The following GPC4 variants were observed in gnomAD, a reference collection of about 807,000 sequenced individuals.
GPC4 encodes the protein glypican-4.
GPC4 carries 10 observed loss-of-function variants against 35.0 expected under a neutral mutation model. The ratio of observed to expected loss-of-function variants is 0.29; its 90% CI spans 0.18 to 0.48. The LOEUF (loss-of-function observed/expected upper bound fraction) is 0.48, where lower values mean the gene tolerates loss of function less well. Ranked by LOEUF, GPC4 falls within the 20% of genes least tolerant of loss-of-function variation. The pLI is 0.99. For missense variants in GPC4, 322 were observed against 451.3 expected (o/e 0.71, Z 2.60); for synonymous variants, 167 against 170.2 (o/e 0.98, Z 0.15).
intron 1 of GPC4, among the ~76,000 whole-genome samples, chrX:133,360,534 GAAA>G (rs1422147180): frequency 9.8e-6 from 1 of 102,029 alleles, no homozygotes; most frequent in African/African-American, 3.6e-5. Context: ...TGGGTTTGCC[GAAA>G]AAAAAAAAGA....
intron 1 of GPC4, among the ~76,000 whole-genome samples, chrX:133,357,775 A>AACCT (rs1603080157): frequency 9.0e-6 from 1 of 111,393 alleles, no homozygotes; most frequent in Non-Finnish European, 1.9e-5. Flanking sequence ...ACAAGAGCAG[A>AACCT]ACCTACCTCA....
rs41299096 is a variant in GPC4, at chrX:133,301,002, T to G, written c.*1865A>C. 0.049 allele frequency: 5,493 copies of G among 111,113 alleles called. 140 individuals are homozygous for G. Among genetic ancestry groups the G allele is most frequent in the Non-Finnish European group, 0.077 (4,080 of 52,966 alleles). 9.2% of individuals were successfully genotyped at this position (111,113 alleles called of 1,213,427 possible). Reference sequence around the variant, plus strand: ...TTTCAATTTTATGTCTTCTGATTTGTTTTAAAAAAAAAACCACTTATACAC... The same window carrying G: ...TTTCAATTTTATGTCTTCTGATTTGGTTTAAAAAAAAAACCACTTATACAC... On this transcript the variant is annotated 3_prime_UTR_variant, in exon 9 of 9. Coordinates refer to ENST00000370828, the MANE Select transcript of GPC4 (RefSeq NM_001448.3).
chrX:133,402,701 C>T (rs192570680), intron 1 of GPC4, among the ~76,000 whole-genome samples: 1 of 110,829 alleles, frequency 9.0e-6, no homozygotes, highest in Non-Finnish European at 1.9e-5. Context: ...GTCAGGGGTT[C>T]GAGACCAGCC....
In GPC4 at chrX:133,354,564, A is replaced by ATTTTT. The variant is rs1320451355; in HGVS notation, c.161-15224_161-15223insAAAAA. On this transcript the variant is annotated intron_variant, in intron 1 of 8. Coordinates refer to ENST00000370828, the MANE Select transcript of GPC4 (RefSeq NM_001448.3). Reference sequence around the variant, plus strand: ...GTTTTATTTATTTATTTATTTATTTATTTATTTTTTTTTTTGAGACGGAGT... The same window carrying ATTTTT: ...GTTTTATTTATTTATTTATTTATTTATTTTTTTTATTTTTTTTTTTGAGACGGAGT... Among the ~76,000 whole-genome samples the ATTTTT allele has an allele frequency of 3.3e-3, 307 of 94,431 alleles. 5 individuals are homozygous for ATTTTT. The highest frequency in any genetic ancestry group is 0.013 in the African/African-American group (293 of 21,990). 82.0% of individuals were successfully genotyped at this position (94,431 alleles called of 115,157 possible).
intron 1 of GPC4, among the ~76,000 whole-genome samples, chrX:133,348,292 C>A (rs1021978293): frequency 1.5e-4 from 17 of 112,469 alleles, no homozygotes; most frequent in African/African-American, 5.5e-4. Context: ...GCCTGAAATG[C>A]ACACTTTGAC....
At chrX:133,378,482 A>G (rs1206041136) in intron 1 of GPC4, among the ~76,000 whole-genome samples, 2 of 106,372 alleles carry the variant, frequency 1.9e-5, no homozygotes, top group African/African-American at 6.9e-5. Flanking sequence ...AGGCTGAGGC[A>G]GGAGAATGGT....
chrX:133,318,760 G>A (rs2068350509), intron 3 of GPC4, among the ~76,000 whole-genome samples: 1 of 112,460 alleles, frequency 8.9e-6, no homozygotes, highest in African/African-American at 3.2e-5. Context: ...AATGTATCAT[G>A]AACCATGACA....
In GPC4 at chrX:133,415,251, C is replaced by T; in HGVS notation, c.-286G>A. The stretch of plus-strand genomic sequence containing the variant: ...AAGCAGAGGCGCGGGCTGGTGACCT[C>T]GGGGTTTCGCGGGGCAGCGAACCCG... On this transcript the variant is annotated 5_prime_UTR_variant, in exon 1 of 9. Coordinates refer to ENST00000370828, the MANE Select transcript of GPC4 (RefSeq NM_001448.3). The T allele has an allele frequency of 3.6e-6, 1 of 277,047 alleles. No homozygotes were observed. Among genetic ancestry groups the T allele is most frequent in the Non-Finnish European group, 6.3e-6 (1 of 158,944 alleles). The allele number at this position is 277,047 out of a possible 1,213,427, so 22.8% of individuals were successfully genotyped here.
At chrX:133,365,568 C>T (rs1443929783) in intron 1 of GPC4, among the ~76,000 whole-genome samples, 1 of 111,521 alleles carries the variant, frequency 9.0e-6, no homozygotes, top group Non-Finnish European at 1.9e-5. Flanking sequence ...AGATCTGGGT[C>T]TCTTGAGCCT....
At chrX:133,398,764 T>A (rs1371484991) in intron 1 of GPC4, among the ~76,000 whole-genome samples, 5 of 104,981 alleles carry the variant, frequency 4.8e-5, no homozygotes, top group African/African-American at 1.8e-4. Context: ...TGAGACTCTG[T>A]CTCAGAGAAA....
intron 2 of GPC4, among the ~76,000 whole-genome samples, chrX:133,329,754 T>C (rs2068410670): frequency 1.8e-5 from 2 of 111,894 alleles, no homozygotes; most frequent in African/African-American, 6.5e-5. Context: ...GTATAAGGAT[T>C]GAGCTAGGGA....
intron 1 of GPC4, among the ~76,000 whole-genome samples, chrX:133,383,090 T>C (rs1297137833): frequency 1.8e-5 from 2 of 111,907 alleles, no homozygotes; most frequent in Admixed American, 9.5e-5. Flanking sequence ...ACACAAAACC[T>C]TGCACACAGA....
chrX:133,312,667 A>G (rs1027743993), intron 3 of GPC4, among the ~76,000 whole-genome samples: 20 of 95,420 alleles, frequency 2.1e-4, no homozygotes, highest in Non-Finnish European at 3.4e-4. Flanking sequence ...GAAGGAAAGG[A>G]AAGGAAAGGA....
rs1603092720 is a variant in GPC4 at position 133,388,909 on chromosome X, C to T, written c.160+25897G>A. Among the ~76,000 whole-genome samples the T allele has an allele frequency of 3.7e-5, 4 of 106,957 alleles. No homozygotes were observed. The Admixed American group carries it at 4.0e-4, about 11-fold the overall frequency. The allele number at this position is 106,957 out of a possible 115,157, so 92.9% of individuals were successfully genotyped here. On this transcript the variant is annotated intron_variant, in intron 1 of 8. Coordinates refer to ENST00000370828, the MANE Select transcript of GPC4 (RefSeq NM_001448.3). ...CACTATAACCCCAAACTCCTGGGCT[C>T]AAGTGATCCTTCTGCCTCAGCACCA...
chrX:133,335,479 A>T (rs2068438677), intron 2 of GPC4, among the ~76,000 whole-genome samples: 2 of 111,641 alleles, frequency 1.8e-5, no homozygotes, highest in African/African-American at 6.5e-5. Flanking sequence ...ACACGCACAC[A>T]CACGAGTTTA....
chrX:133,339,373 T>C (rs1169516296), intron 1 of GPC4, 32 bp from the exon 2 acceptor site: 1 of 1,181,441 alleles, frequency 8.5e-7, no homozygotes, highest in Non-Finnish European at 1.1e-6. Flanking sequence ...AGTCAATGTC[T>C]ATCATCATTC....
At chrX:133,321,120 G>C (rs771337496) in intron 3 of GPC4, among the ~76,000 whole-genome samples, 8 of 111,912 alleles carry the variant, frequency 7.1e-5, no homozygotes, top group Non-Finnish European at 1.5e-4. Context: ...CATAAGTAAG[G>C]GTGTCTGAAT....
At chrX:133,405,216 C>G (rs1435809621) in intron 1 of GPC4, among the ~76,000 whole-genome samples, 1 of 103,918 alleles carries the variant, frequency 9.6e-6, no homozygotes, top group Non-Finnish European at 1.9e-5. Context: ...TCAACTAATT[C>G]TCCTGCCTCA....
At chrX:133,414,416 T>A (rs1187325056) in intron 1 of GPC4, 9 of 623,334 alleles carry the variant, frequency 1.4e-5, no homozygotes, top group African/African-American at 3.1e-5. Context: ...CGGGGCGTCC[T>A]ATAAGGAGTT....
Sources: gnomAD v4.1 joint callset for allele counts (sites outside exome capture counted in the v4.1 genomes callset) on GRCh38, gnomAD v4.1.1 for gene constraint, MANE v1.5 for transcripts, NCBI Gene and HGNC (gene_info 2026-07-23, HGNC 2026-07-21) for gene names.